CCDC57: variants seen among roughly 807,000 people sequenced by gnomAD.
CCDC57 encodes coiled-coil domain containing 57.
CCDC57 carries 118 observed loss-of-function variants against 118.9 expected under a neutral mutation model. The ratio of observed to expected loss-of-function variants is 0.99; its 90% CI spans 0.86 to 1.16. CCDC57 has a LOEUF of 1.16. Among genes scored for constraint, CCDC57 ranks in the 50% most tolerant of loss-of-function variants. The probability of loss-of-function intolerance (pLI) is 0.00; values close to 1 mark genes in which losing one functional copy is unlikely to be tolerated. For synonymous variants in CCDC57, 527 were observed against 532.9 expected, an observed-to-expected ratio of 0.99 and a Z score of 0.15; for missense variants, 1,300 against 1,320.7, an observed-to-expected ratio of 0.98 and a Z score of 0.24.
chr17:82,107,905 TCCAGGGC>T (rs999573474), intron 19 of CCDC57, among the ~76,000 whole-genome samples: 20 of 152,114 alleles, frequency 1.3e-4, no homozygotes, highest in African/African-American at 4.8e-4. Context: ...GGGGGTGGGC[TCCAGGGC>T]CCAGAGTCAC....
In CCDC57 at chr17:82,127,681, C is replaced by T; in HGVS notation, c.2899+11G>A. 1 of 1,587,746 alleles carries T rather than the reference C, an allele frequency of 6.3e-7. No individual in the cohort carries two copies. The highest frequency in any genetic ancestry group is 8.6e-7 in the Non-Finnish European group (1 of 1,167,056). On this transcript the variant is annotated intron_variant, in intron 19 of 19. Coordinates refer to ENST00000665763, the Ensembl canonical transcript of CCDC57. ...AGCTGTGGGCAGCTCCTGGGGAGGG[C>T]AGTCTCCTACCTGGAGTTGAGTCAC...
rs562986364 is a variant in CCDC57, at chr17:82,116,077, G to A, written c.2899+11615C>T. 9.1e-3 allele frequency among the ~76,000 whole-genome samples: 1,344 copies of A among 147,642 alleles called. 16 individuals are homozygous for A. The highest frequency in any genetic ancestry group is 0.032 in the African/African-American group (1,274 of 40,004). On this transcript the variant is annotated intron_variant, in intron 19 of 19. Transcript: ENST00000665763. ...CTCCCAAAGTGCTGGGATTACAGGC[G>A]TGAGCCACCGCGCCCGGCCACAACC... is the stretch of plus-strand genomic sequence containing the variant.
At chr17:82,169,196 G>A (rs536604164) in intron 13 of CCDC57, among the ~76,000 whole-genome samples, 8 of 152,068 alleles carry the variant, frequency 5.3e-5, no homozygotes, top group East Asian at 1.9e-4. Context: ...GTGCAATCTC[G>A]GCTCACTGCA....
At chr17:82,177,920 A>G (rs1180763638) in intron 11 of CCDC57, among the ~76,000 whole-genome samples, 1 of 152,138 alleles carries the variant, frequency 6.6e-6, no homozygotes, top group Non-Finnish European at 1.5e-5. Context: ...GCTCTCCCCC[A>G]GCCTCCTACA....
At chr17:82,190,695 CAAAA>C (rs533549239) in intron 7 of CCDC57, among the ~76,000 whole-genome samples, 9 of 49,928 alleles carry the variant, frequency 1.8e-4, no homozygotes, top group African/African-American at 3.5e-4. Context: ...GACTCTGTCT[CAAAA>C]AAAAAAAAAA....
chr17:82,143,042 T>C (rs2040225475), intron 16 of CCDC57, among the ~76,000 whole-genome samples: 1 of 151,974 alleles, frequency 6.6e-6, no homozygotes, highest in Non-Finnish European at 1.5e-5. Flanking sequence ...CACATGCCTG[T>C]AGTCTCAGCT....
At chr17:82,195,043 G>A (rs4482345) in intron 5 of CCDC57, among the ~76,000 whole-genome samples, 72,957 of 152,250 alleles carry the variant, frequency 0.48, 18,263 homozygotes, top group East Asian at 0.88. Context: ...TGCAGGCGGA[G>A]GTGAACTGGC....
Position 82,202,068 on chromosome 17 carries a change from C to T in CCDC57, c.-8-116G>A, listed in dbSNP as rs2049060186. On this transcript the variant is annotated intron_variant, in intron 2 of 19. Transcript: ENST00000665763. ...TACCACGGCCGGGCACGGTGGCTCA[C>T]ACCTGTAATCCCAGCCCTTTGGGAG... The T allele has an allele frequency of 1.8e-5, 19 of 1,052,414 alleles. No individual in the cohort carries two copies. In the South Asian group the frequency reaches 2.9e-4, roughly 16 times the overall value. 65.2% of individuals were successfully genotyped at this position (1,052,414 alleles called of 1,614,324 possible). A position where few individuals can be genotyped will look rare whatever the true frequency, so the allele number is the denominator to read the frequency against.
intron 10 of CCDC57, 83 bp from the exon 10 acceptor site, chr17:82,178,688 G>A (rs1425513842): frequency 6.5e-6 from 10 of 1,543,544 alleles, no homozygotes; most frequent in Non-Finnish European, 8.7e-6. Context: ...GCACACATAG[G>A]TGGGAGATGC....
intron 1 of CCDC57, among the ~76,000 whole-genome samples, chr17:82,210,082 G>A (rs1234915759): frequency 6.6e-6 from 1 of 152,108 alleles, no homozygotes; most frequent in East Asian, 1.9e-4. Flanking sequence ...GTTGGGACGT[G>A]CTATAAGGAC....
At chr17:82,126,591 C>T (rs2037468065) in intron 19 of CCDC57, 1 of 985,394 alleles carries the variant, frequency 1.0e-6, no homozygotes, top group Non-Finnish European at 1.2e-6. Flanking sequence ...GCCAATCCTG[C>T]TGCCACCGGC....
chr17:82,163,931 T>A (rs1368454881), intron 13 of CCDC57, among the ~76,000 whole-genome samples: 1 of 152,140 alleles, frequency 6.6e-6, no homozygotes, highest in African/African-American at 2.4e-5. Context: ...TCTCATCACG[T>A]TGGGAGGCTG....
intron 19 of CCDC57, among the ~76,000 whole-genome samples, chr17:82,108,270 T>A (rs1035231331): frequency 6.6e-6 from 1 of 151,984 alleles, no homozygotes; most frequent in Non-Finnish European, 1.5e-5. Flanking sequence ...GGTCCTGGAG[T>A]TGTGCTGAGA....
chr17:82,138,236 C>T (rs1257619804), intron 16 of CCDC57, among the ~76,000 whole-genome samples: 1 of 150,500 alleles, frequency 6.6e-6, no homozygotes, highest in African/African-American at 2.4e-5. Flanking sequence ...GCAAGCTCCG[C>T]CTCCCGGGTT....
In CCDC57 at chr17:82,195,384, T is replaced by C. The variant is rs1046345378; in HGVS notation, c.517-20A>G. 3.4e-5 allele frequency: 53 copies of C among 1,565,900 alleles called. No individual in the cohort carries two copies. The highest frequency in any genetic ancestry group is 1.7e-4 in the Middle Eastern group (1 of 6,032). ...CAGTTCCTGGAACAAACAGGTTTCA[T>C]GATGAAAGAACAGTGGGAACCCAGC... On this transcript the variant is annotated intron_variant, in intron 4 of 19. Transcript: ENST00000665763.
intron 17 of CCDC57, among the ~76,000 whole-genome samples, chr17:82,131,229 G>A (rs150636304): frequency 3.0e-4 from 44 of 146,766 alleles, no homozygotes; most frequent in Admixed American, 1.4e-3. Context: ...TCAGGAGTTC[G>A]AGACCAGCCT....
At chr17:82,193,939 G>A in intron 6 of CCDC57, 43 bp downstream of exon 5, 7 of 1,589,834 alleles carry the variant, frequency 4.4e-6, no homozygotes, top group Non-Finnish European at 6.0e-6. Context: ...TGGCCTGCGA[G>A]GCTGCCACAG....
intron 16 of CCDC57, among the ~76,000 whole-genome samples, chr17:82,142,235 A>G (rs541524131): frequency 6.6e-6 from 1 of 152,320 alleles, no homozygotes; most frequent in Admixed American, 6.5e-5. Flanking sequence ...CTCAGTAAGG[A>G]CACTGTATTA....
intron 14 of CCDC57, among the ~76,000 whole-genome samples, chr17:82,161,495 A>C (rs1444050482): frequency 6.6e-6 from 1 of 152,216 alleles, no homozygotes; most frequent in African/African-American, 2.4e-5. Context: ...AAACAGCGGA[A>C]ACAACCCAAA....
Sources: gnomAD v4.1 joint callset for allele counts (sites outside exome capture counted in the v4.1 genomes callset) on GRCh38, gnomAD v4.1.1 for gene constraint, MANE v1.5 for transcripts, NCBI Gene and HGNC (gene_info 2026-07-23, HGNC 2026-07-21) for gene names.